The following RTTN variants were observed in gnomAD, a reference collection of about 807,000 sequenced individuals.
The protein encoded by RTTN is rotatin.
In RTTN, 182 loss-of-function variants were observed where a neutral mutation model predicts 269.2. That is an observed-to-expected ratio of 0.68 (90% CI 0.60 to 0.76). The LOEUF is 0.76. RTTN is among the 30% of genes least tolerant of loss of function. The pLI, the probability that RTTN is intolerant of heterozygous loss-of-function variation, is 0.00. For synonymous variants in RTTN, 1,006 were observed against 963.5 expected, an observed-to-expected ratio of 1.04 and a Z score of -0.82; for missense variants, 2,545 against 2,608.6, an observed-to-expected ratio of 0.98 and a Z score of 0.53.
chr18:70,188,135 A>G lies in RTTN; in HGVS notation c.1278T>C (p.Asp426=). 6.2e-7 allele frequency: 1 copy of G among 1,606,678 alleles called. No homozygotes were observed. The highest frequency in any genetic ancestry group is 1.3e-5 in the African/African-American group (1 of 74,900). ...TATCTATACCAAAAAGGCTGCTGTC[A>G]TCCCAGATATCTGTTGAAATTGCTT... ...IGEAISTDIW[D]DSSLFGIDMK... The change falls in exon 10 of 49, where the codon GAT becomes GAC. Residue 426 remains aspartate (D), a synonymous_variant. Coordinates refer to ENST00000640769, the MANE Select transcript of RTTN (RefSeq NM_173630.4).
chr18:70,088,046 C>T lies in RTTN; in HGVS notation c.4245G>A (p.Trp1415Ter), dbSNP rs1288419050. ...CCAGAAGAATGTTCACCACAGTTCC[C>T]CAGAGCCCACCGGAAATGTTCTGAC... Reference protein sequence around the residue: ...NSCQNISGGLWGTVVNILLDQ... With the variant: ...NSCQNISGGL Residue 1415 changes from tryptophan to a stop codon, truncating the protein, a stop_gained, in exon 31 of 49, where the codon TGG (tryptophan) becomes TGA (stop). Transcript: ENST00000640769. LOFTEE classifies it high-confidence loss of function. 1.2e-6 allele frequency: 2 copies of T among 1,613,912 alleles called. No individual in the cohort carries two copies. The highest frequency in any genetic ancestry group is 2.2e-5 in the East Asian group (1 of 44,872).
chr18:70,187,956 T>A, intron 10 of RTTN, 152 bp downstream of exon 10: 1 of 551,408 alleles, frequency 1.8e-6, no homozygotes, highest in Non-Finnish European at 3.2e-6. Flanking sequence ...AAAATAGGCC[T>A]GTTCCAGGCT....
chr18:70,114,335 T>G, intron 27 of RTTN, 110 bp downstream of exon 27: 1 of 1,020,608 alleles, frequency 9.8e-7, no homozygotes, highest in Non-Finnish European at 1.4e-6. Context: ...TTTAAGTATT[T>G]GAAAGAAGTA....
intron 10 of RTTN, among the ~76,000 whole-genome samples, chr18:70,179,484 A>ATTGTT (rs757148353): frequency 6.6e-5 from 10 of 152,164 alleles, no homozygotes; most frequent in African/African-American, 1.4e-4. Flanking sequence ...GGCTTTTTGT[A>ATTGTT]TTGTTTTGTT....
intron 45 of RTTN, among the ~76,000 whole-genome samples, chr18:70,018,828 T>C (rs1376893421): frequency 8.4e-5 from 1 of 11,896 alleles, no homozygotes; most frequent in Non-Finnish European, 6.9e-4. Flanking sequence ...GGGCACTCCT[T>C]TTTTTTTTTT....
intron 40 of RTTN, among the ~76,000 whole-genome samples, chr18:70,043,368 T>A (rs1470396896): frequency 6.6e-6 from 1 of 152,164 alleles, no homozygotes; most frequent in African/African-American, 2.4e-5. Flanking sequence ...CTGCCTATTC[T>A]CTAATTGGCA....
At chr18:70,037,806 C>T (rs2057221004) in intron 40 of RTTN, among the ~76,000 whole-genome samples, 1 of 152,216 alleles carries the variant, frequency 6.6e-6, no homozygotes, top group South Asian at 2.1e-4. Flanking sequence ...CAAGTAGGCT[C>T]TTGGGCTCCC....
intron 39 of RTTN, 48 bp from the exon 40 acceptor site, chr18:70,048,236 T>A (rs1235808580): frequency 6.6e-7 from 1 of 1,525,886 alleles, no homozygotes; most frequent in Admixed American, 1.8e-5. Flanking sequence ...TCTTCAAAAT[T>A]CAACAAAAAG....
intron 32 of RTTN, among the ~76,000 whole-genome samples, chr18:70,085,111 T>G (rs1460143754): frequency 6.6e-6 from 1 of 152,174 alleles, no homozygotes; most frequent in South Asian, 2.1e-4. Flanking sequence ...GGAGTAGAGA[T>G]TATTTGTATT....
chr18:70,059,813 C>G, intron 36 of RTTN, 37 bp downstream of exon 36: 1 of 1,378,434 alleles, frequency 7.3e-7, no homozygotes, highest in Non-Finnish European at 9.8e-7. Context: ...AAATTTATCT[C>G]AACTAACATG....
At chr18:70,020,309 T>C (rs187939745) in intron 45 of RTTN, among the ~76,000 whole-genome samples, 63 of 152,324 alleles carry the variant, frequency 4.1e-4, no homozygotes, top group Admixed American at 1.6e-3. Flanking sequence ...ACTTTTATTA[T>C]TTCCAATAAA....
At chr18:70,133,981 G>A (rs2060059700) in intron 23 of RTTN, among the ~76,000 whole-genome samples, 1 of 152,100 alleles carries the variant, frequency 6.6e-6, no homozygotes, top group Admixed American at 6.6e-5. Flanking sequence ...GATAACTGGA[G>A]AAACCACACC....
intron 28 of RTTN, among the ~76,000 whole-genome samples, chr18:70,102,627 G>C (rs141293876): frequency 5.3e-4 from 81 of 152,244 alleles, no homozygotes; most frequent in African/African-American, 1.8e-3. Context: ...ATGTTAGCTG[G>C]TTATTTTGCT....
At position 70,127,740 on chromosome 18, in the gene RTTN, T is replaced by C. The variant is rs1205305458; in HGVS notation, c.3145A>G (p.Ile1049Val). ...GTAGATAACTTCAATGCATCTAAAATTCTAGACAAAAAGAAAAAAAATGAA... is the reference window on the plus strand; with the variant it reads ...GTAGATAACTTCAATGCATCTAAAACTCTAGACAAAAAGAAAAAAAATGAA... ...QMNSETKTQE[I>V]LDALKLSTED... The change falls in exon 25 of 49, where the codon ATT (isoleucine) becomes GTT (valine). Residue 1049 changes from isoleucine to valine, a missense_variant and splice_region_variant. Coordinates refer to ENST00000640769, the MANE Select transcript of RTTN (RefSeq NM_173630.4). 1.4e-5 allele frequency: 22 copies of C among 1,605,848 alleles called. No homozygotes were observed. Among genetic ancestry groups the C allele is most frequent in the Non-Finnish European group, 1.7e-5 (20 of 1,174,828 alleles).
chr18:70,065,192 C>T (rs1305535903), intron 35 of RTTN, among the ~76,000 whole-genome samples: 1 of 147,244 alleles, frequency 6.8e-6, no homozygotes, highest in Non-Finnish European at 1.5e-5. Context: ...TTTAAAATTA[C>T]TTTCTTTTTA....
intron 40 of RTTN, among the ~76,000 whole-genome samples, chr18:70,036,018 G>A (rs1363839969): frequency 6.6e-6 from 1 of 152,140 alleles, no homozygotes; most frequent in Non-Finnish European, 1.5e-5. Context: ...TCTCACACCA[G>A]TCAGAATGGC....
intron 46 of RTTN, 122 bp from the exon 47 acceptor site, chr18:70,006,606 T>G: frequency 1.4e-6 from 1 of 727,170 alleles, no homozygotes; most frequent in Non-Finnish European, 2.4e-6. Flanking sequence ...TTGGTATCAC[T>G]AGACTATGGC....
At chr18:70,174,146 T>G (rs1327153095) in intron 11 of RTTN, among the ~76,000 whole-genome samples, 1 of 48,490 alleles carries the variant, frequency 2.1e-5, no homozygotes, top group South Asian at 1.7e-3. Context: ...ATATGAAAGT[T>G]TAAAAAAAAA....
In RTTN at chr18:70,194,200, CATTA is replaced by C. The variant is rs530695448; in HGVS notation, c.842-751_842-748del. ...AAAAAGTTATTAGAGATTCATTGGT[CATTA>C]ATTATTAGGTCTTTAGAGAAATGCA... On this transcript the variant is annotated intron_variant, in intron 7 of 48. Transcript: ENST00000640769. The C allele has an allele frequency of 5.3e-5, 8 of 152,258 alleles. 1 individual carries two copies. In the South Asian group the frequency reaches 1.5e-3, roughly 28 times the overall value. 9.4% of individuals were successfully genotyped at this position (152,258 alleles called of 1,614,324 possible). A position where few individuals can be genotyped will look rare whatever the true frequency, so the allele number is the denominator to read the frequency against.
Sources: gnomAD v4.1 joint callset for allele counts (sites outside exome capture counted in the v4.1 genomes callset) on GRCh38, gnomAD v4.1.1 for gene constraint, MANE v1.5 for transcripts, NCBI Gene and HGNC (gene_info 2026-07-23, HGNC 2026-07-21) for gene names.